The following CFAP53 variants were observed in gnomAD, a reference collection of about 807,000 sequenced individuals.
CFAP53 encodes cilia and flagella associated protein 53, also known as cilia- and flagella-associated protein 53.
A neutral mutation model predicts 59.7 loss-of-function variants in CFAP53; 62 were observed. The ratio of observed to expected loss-of-function variants is 1.04; its 90% confidence interval spans 0.85 to 1.28. CFAP53 has a LOEUF of 1.28. CFAP53 is among the 50% of genes most tolerant of loss of function. The pLI is 0.00. For synonymous variants in CFAP53, 218 were observed against 205.7 expected (o/e 1.06, Z -0.51); for missense variants, 629 against 615.6 (o/e 1.02, Z -0.23).
intron 7 of CFAP53, among the ~76,000 whole-genome samples, chr18:50,237,200 AGTGGCT>A (rs1244701373): frequency 7.0e-6 from 1 of 142,876 alleles, no homozygotes; most frequent in Admixed American, 7.3e-5. Flanking sequence ...TAGGTATTTG[AGTGGCT>A]GAGGCAGAGA....
chr18:50,230,682 T>C (rs2033574800), intron 7 of CFAP53, among the ~76,000 whole-genome samples: 1 of 152,188 alleles, frequency 6.6e-6, no homozygotes, highest in South Asian at 2.1e-4. Context: ...AGCAGTTCTG[T>C]GGGACTAAGC....
chr18:50,230,374 G>A (rs949593326), intron 7 of CFAP53, among the ~76,000 whole-genome samples: 1 of 152,148 alleles, frequency 6.6e-6, no homozygotes, highest in Non-Finnish European at 1.5e-5. Flanking sequence ...TGGAGATGAA[G>A]CTCTAAAAAC....
chr18:50,266,369 C>T lies in CFAP53; in HGVS notation c.36G>A (p.Glu12=), dbSNP rs200085840. The T allele has an allele frequency of 8.1e-6, 13 of 1,614,282 alleles. No individual in the cohort carries two copies. Among genetic ancestry groups the T allele is most frequent in the African/African-American group, 1.3e-5 (1 of 75,076 alleles). Residue 12 remains glutamate, a synonymous_variant, in exon 1 of 8, where the codon GAG becomes GAA. Transcript: ENST00000398545. The stretch of plus-strand genomic sequence containing the variant: ...CCACTTTGGGGGTGGGGCCCTTAAC[C>T]TCCCGCTGTACGGTGCCAAACCGCT... ...YSQRFGTVQR[E]VKGPTPKVVI...
chr18:50,234,295 G>T (rs552172394), intron 7 of CFAP53, among the ~76,000 whole-genome samples: 2 of 152,204 alleles, frequency 1.3e-5, no homozygotes, highest in Non-Finnish European at 2.9e-5. Flanking sequence ...TAGGAATAGG[G>T]GTTGAGATTG....
chr18:50,245,765 G>A (rs1290948279), intron 5 of CFAP53, among the ~76,000 whole-genome samples: 3 of 152,166 alleles, frequency 2.0e-5, no homozygotes, highest in African/African-American at 4.8e-5. Flanking sequence ...GCTGATCCAT[G>A]TAACTTCCAG....
rs2033899771 is a variant in CFAP53, at chr18:50,262,142, A to G, written c.147T>C (p.Ala49=). ...CACTTGACTTAATGGAAGCCAAAAT[A>G]GCATTATGCTTCTGATGGCTGCGTC... ...RIRRSHQKHN[A]ILASIKSSER... is the part of the protein sequence containing the mutation. The change falls in exon 2 of 8, where the codon GCT becomes GCC. Residue 49 remains alanine (A), a synonymous_variant. Coordinates refer to ENST00000398545, the MANE Select transcript of CFAP53 (RefSeq NM_145020.5). 6.2e-7 allele frequency: 1 copy of G among 1,614,136 alleles called. No individual in the cohort carries two copies. The highest frequency in any genetic ancestry group is 1.3e-5 in the African/African-American group (1 of 74,952).
Position 50,227,293 on chromosome 18 carries a change from G to T in CFAP53, c.*88C>A, listed in dbSNP as rs2033532455. 1 of 1,049,852 alleles carries T rather than the reference G, an allele frequency of 9.5e-7. No individual in the cohort carries two copies. The highest frequency in any genetic ancestry group is 1.4e-6 in the Non-Finnish European group (1 of 723,566). The allele number at this position is 1,049,852 out of a possible 1,614,324, so 65.0% of individuals were successfully genotyped here. On this transcript the variant is annotated 3_prime_UTR_variant, in exon 8 of 8. Coordinates refer to ENST00000398545, the MANE Select transcript of CFAP53 (RefSeq NM_145020.5). ...ACACAAACTCAGGGAAAAAAGAAAAGTTTATCCAGGAGTTAAAAGAAGCAT... is the reference window on the plus strand; with the variant it reads ...ACACAAACTCAGGGAAAAAAGAAAATTTTATCCAGGAGTTAAAAGAAGCAT...
chr18:50,237,588 G>T (rs2033650241), intron 7 of CFAP53, among the ~76,000 whole-genome samples: 1 of 151,728 alleles, frequency 6.6e-6, no homozygotes, highest in African/African-American at 2.4e-5. Context: ...TCAAAGGACA[G>T]GCCCCAGGAA....
chr18:50,263,593 G>T lies in CFAP53; in HGVS notation c.70-1374C>A, dbSNP rs139497828. Among the ~76,000 whole-genome samples, 34 of 152,316 alleles carry T rather than the reference G, an allele frequency of 2.2e-4. 1 individual carries two copies. In the East Asian group the frequency reaches 6.6e-3, roughly 29 times the overall value. ...CATAATTATCTGGAGCCTAGAGCCA[G>T]CTAATTAGATGACTGTTCTCCAATA... On this transcript the variant is annotated intron_variant, in intron 1 of 7. Coordinates refer to ENST00000398545, the MANE Select transcript of CFAP53 (RefSeq NM_145020.5).
intron 3 of CFAP53, 51 bp from the exon 4 acceptor site, chr18:50,251,835 C>A (rs771904814): frequency 6.8e-7 from 1 of 1,473,598 alleles, no homozygotes; most frequent in Admixed American, 1.7e-5. Flanking sequence ...TGAGGCACTG[C>A]TCTATTGAGG....
intron 5 of CFAP53, among the ~76,000 whole-genome samples, chr18:50,247,660 A>T (rs904218773): frequency 2.0e-5 from 3 of 152,242 alleles, no homozygotes; most frequent in African/African-American, 7.2e-5. Flanking sequence ...TCATGCTACA[A>T]TGTGGATAAA....
Position 50,227,600 on chromosome 18 carries a change from A to C in CFAP53, c.1326T>G (p.Arg442=). 1 of 1,613,346 alleles carries C rather than the reference A, an allele frequency of 6.2e-7. No homozygotes were observed. The highest frequency in any genetic ancestry group is 1.1e-5 in the South Asian group (1 of 91,068). Residue 442 remains arginine (R), a synonymous_variant, in exon 8 of 8, where the codon CGT becomes CGG. Transcript: ENST00000398545. ...GTTGCTTCCTGTACTCCTGGGCTAA[A>C]CGTTGGCGTCTAAAGTATTAGAAAT... ...EEKENFARRQ[R]LAQEYRKQLQ...
chr18:50,229,744 T>TTC lies in CFAP53; in HGVS notation c.1317-2136_1317-2135insGA, dbSNP rs1330093645. ...TCTCTTTCTTTTTTTCTTTTTCTTT[T>TTC]TTTTTTTTTCAGACAGGGTCTCACT... is the stretch of plus-strand genomic sequence containing the variant. On this transcript the variant is annotated intron_variant, in intron 7 of 7. Coordinates refer to ENST00000398545, the MANE Select transcript of CFAP53 (RefSeq NM_145020.5). Among the ~76,000 whole-genome samples, 32 of 149,642 alleles carry TTC rather than the reference T, an allele frequency of 2.1e-4. No individual in the cohort carries two copies. The South Asian group carries it at 3.4e-3, about 16-fold the overall frequency.
chr18:50,237,927 T>TAC (rs1568151725), intron 7 of CFAP53, among the ~76,000 whole-genome samples: 3 of 151,936 alleles, frequency 2.0e-5, no homozygotes, highest in Admixed American at 2.0e-4. Flanking sequence ...TCTAGCTGAT[T>TAC]AGGCCAGCCT....
Position 50,242,848 on chromosome 18 carries a change from C to T in CFAP53, c.1213+52G>A, listed in dbSNP as rs140876620. Reference sequence around the variant, plus strand: ...ATGGTTGTTAGTATTTTGGTTGTTACTTAAATTGAATTAAGGGCAAGCTAT... The same window carrying T: ...ATGGTTGTTAGTATTTTGGTTGTTATTTAAATTGAATTAAGGGCAAGCTAT... On this transcript the variant is annotated intron_variant, in intron 6 of 7. Transcript: ENST00000398545. 7.9e-4 allele frequency: 1,164 copies of T among 1,465,702 alleles called. 10 individuals carry two copies. In the African/African-American group the frequency reaches 0.015, roughly 18 times the overall value. The allele number at this position is 1,465,702 out of a possible 1,614,324, so 90.8% of individuals were successfully genotyped here.
chr18:50,264,154 G>A (rs148999680), intron 1 of CFAP53, among the ~76,000 whole-genome samples: 1,808 of 152,186 alleles, frequency 0.012, 44 homozygotes, highest in African/African-American at 0.041. Context: ...GTGACTCTAG[G>A]CACATTTCAA....
chr18:50,228,433 T>C (rs2033547922), intron 7 of CFAP53, among the ~76,000 whole-genome samples: 1 of 152,138 alleles, frequency 6.6e-6, no homozygotes, highest in African/African-American at 2.4e-5. Flanking sequence ...ATTTCTTGCA[T>C]AAATAAGCCA....
chr18:50,243,699 C>A (rs1398906478), intron 5 of CFAP53, among the ~76,000 whole-genome samples: 1 of 152,182 alleles, frequency 6.6e-6, no homozygotes, highest in African/African-American at 2.4e-5. Flanking sequence ...AGCCTGTAAT[C>A]CCAGCACTTT....
At chr18:50,231,285 A>T (rs1046500970) in intron 7 of CFAP53, among the ~76,000 whole-genome samples, 2 of 152,118 alleles carry the variant, frequency 1.3e-5, no homozygotes, top group Non-Finnish European at 2.9e-5. Context: ...ACTTTCTCTA[A>T]TAAATCTGCC....
Sources: gnomAD v4.1 joint callset for allele counts (sites outside exome capture counted in the v4.1 genomes callset) on GRCh38, gnomAD v4.1.1 for gene constraint, MANE v1.5 for transcripts, NCBI Gene and HGNC (gene_info 2026-07-23, HGNC 2026-07-21) for gene names.